TMEM26: variants seen among roughly 807,000 people sequenced by gnomAD.
TMEM26 encodes transmembrane protein 26.
TMEM26 carries 38 observed loss-of-function variants against 28.8 expected under a neutral mutation model. The observed-to-expected ratio is 1.32, with a 90% CI of 1.02 to 1.73. The LOEUF (loss-of-function observed/expected upper bound fraction) is 1.73, where lower values mean the gene tolerates loss of function less well. Among genes scored for constraint, TMEM26 ranks in the 40% most tolerant of loss-of-function variants. The pLI is 0.00. For missense variants in TMEM26, 518 were observed against 447.1 expected (o/e 1.16, Z -1.43); for synonymous variants, 227 against 182.9 (o/e 1.24, Z -1.95).
In TMEM26 at chr10:61,453,119, G is replaced by A. The variant is rs1415917593; in HGVS notation, c.-38C>T. ...ACTCTGCCTACGTCCCCTTGCCTGC[G>A]CCCCCAGGACCCTGCCGGGCGTGCC... is the stretch of plus-strand genomic sequence containing the variant. On this transcript the variant is annotated 5_prime_UTR_variant, in exon 1 of 6. Coordinates refer to ENST00000399298, the MANE Select transcript of TMEM26 (RefSeq NM_178505.8). The A allele has an allele frequency of 1.3e-6, 2 of 1,595,936 alleles. No individual in the cohort carries two copies. The highest frequency in any genetic ancestry group is 8.5e-7 in the Non-Finnish European group (1 of 1,170,338).
At chr10:61,432,518 G>T (rs541988469) in intron 2 of TMEM26, among the ~76,000 whole-genome samples, 5 of 151,872 alleles carry the variant, frequency 3.3e-5, no homozygotes, top group Non-Finnish European at 5.9e-5. Context: ...TTACAAACTG[G>T]TTTAAAAAAA....
intron 4 of TMEM26, among the ~76,000 whole-genome samples, chr10:61,419,120 T>C (rs934907475): frequency 1.3e-5 from 2 of 152,220 alleles, no homozygotes; most frequent in Middle Eastern, 3.4e-3. Context: ...CAAGGAGAGA[T>C]ACATTCCTCC....
chr10:61,446,349 G>T (rs1446729786), intron 1 of TMEM26, among the ~76,000 whole-genome samples: 1 of 152,064 alleles, frequency 6.6e-6, no homozygotes, highest in African/African-American at 2.4e-5. Flanking sequence ...CAAGACTCAG[G>T]ATATAAAACA....
chr10:61,445,015 T>G (rs1282000387), intron 1 of TMEM26, among the ~76,000 whole-genome samples: 1 of 152,188 alleles, frequency 6.6e-6, no homozygotes, highest in Non-Finnish European at 1.5e-5. Flanking sequence ...AGTTGTGACC[T>G]TGGATAAATG....
At chr10:61,448,434 C>T (rs564584063) in intron 1 of TMEM26, among the ~76,000 whole-genome samples, 1 of 152,266 alleles carries the variant, frequency 6.6e-6, no homozygotes, top group African/African-American at 2.4e-5. Flanking sequence ...CGGGAGAAAA[C>T]AGAGAAACAA....
intron 4 of TMEM26, among the ~76,000 whole-genome samples, chr10:61,425,687 A>T (rs1199390475): frequency 2.6e-5 from 4 of 152,176 alleles, no homozygotes; most frequent in African/African-American, 9.6e-5. Flanking sequence ...CCATGAAAAG[A>T]TGCTCAGCAA....
At chr10:61,438,811 C>T (rs527681778) in intron 1 of TMEM26, among the ~76,000 whole-genome samples, 1 of 152,306 alleles carries the variant, frequency 6.6e-6, no homozygotes, top group African/African-American at 2.4e-5. Flanking sequence ...TTACCACATC[C>T]TGTCAAGCTG....
rs1839514296 is a variant in TMEM26 at position 61,407,763 on chromosome 10, A to G, written c.*2559T>C. 2 of 152,160 alleles carry G rather than the reference A, an allele frequency of 1.3e-5. No individual in the cohort carries two copies. The highest frequency in any genetic ancestry group is 4.1e-4 in the South Asian group (2 of 4,826). The allele number at this position is 152,160 out of a possible 1,614,324, so 9.4% of individuals were successfully genotyped here. A position where few individuals can be genotyped will look rare whatever the true frequency, so the allele number is the denominator to read the frequency against. ...AAGCCACTTTCTTCAGGGGTTGGGG[A>G]GTGACCTACTGTGTGTTGGGGGGAG... On this transcript the variant is annotated 3_prime_UTR_variant, in exon 6 of 6. Coordinates refer to ENST00000399298, the MANE Select transcript of TMEM26 (RefSeq NM_178505.8).
At chr10:61,439,915 CTT>C (rs1012170789) in intron 1 of TMEM26, among the ~76,000 whole-genome samples, 2 of 152,080 alleles carry the variant, frequency 1.3e-5, no homozygotes, top group African/African-American at 2.4e-5. Flanking sequence ...TTTATAATGA[CTT>C]ATATTTTTAA....
intron 2 of TMEM26, among the ~76,000 whole-genome samples, chr10:61,435,343 G>T (rs533465593): frequency 2.0e-5 from 3 of 152,140 alleles, no homozygotes; most frequent in Non-Finnish European, 4.4e-5. Context: ...ACCACGCCCA[G>T]ATAATTCTTG....
chr10:61,430,751 T>A (rs1362444660), intron 3 of TMEM26, among the ~76,000 whole-genome samples: 1 of 152,044 alleles, frequency 6.6e-6, no homozygotes, highest in Non-Finnish European at 1.5e-5. Flanking sequence ...GGTTTATCAG[T>A]GTTAACAAAC....
chr10:61,415,145 T>C (rs1360368971), intron 4 of TMEM26: 42 of 985,258 alleles, frequency 4.3e-5, no homozygotes, highest in Non-Finnish European at 5.1e-5. Context: ...CCAAAAGAAG[T>C]AACTGGATGA....
chr10:61,451,449 A>G (rs1355923270), intron 1 of TMEM26, among the ~76,000 whole-genome samples: 1 of 152,172 alleles, frequency 6.6e-6, no homozygotes, highest in African/African-American at 2.4e-5. Context: ...TCTGTGACCA[A>G]AGATATTTCC....
intron 2 of TMEM26, among the ~76,000 whole-genome samples, chr10:61,434,610 CA>C (rs1839973057): frequency 6.6e-6 from 1 of 152,064 alleles, no homozygotes; most frequent in Admixed American, 6.6e-5. Flanking sequence ...TAACTTGAAC[CA>C]AAAATATACA....
rs562005289 is a variant in TMEM26 at position 61,436,331 on chromosome 10, A to C, written c.192-83T>G. ...AAAAATTAAGAGGAAGAATGAAAAA[A>C]AAATGCACATACTCCGACCACATTG... is the stretch of plus-strand genomic sequence containing the variant. On this transcript the variant is annotated intron_variant, in intron 1 of 5. Transcript: ENST00000399298. The C allele has an allele frequency of 5.2e-5, 42 of 810,278 alleles. 1 individual carries two copies. The highest frequency in any genetic ancestry group is 7.8e-5 in the Non-Finnish European group (40 of 511,244). The allele number at this position is 810,278 out of a possible 1,614,324, so 50.2% of individuals were successfully genotyped here.
intron 1 of TMEM26, among the ~76,000 whole-genome samples, chr10:61,444,660 A>AAG (rs1361906667): frequency 6.6e-6 from 1 of 151,802 alleles, no homozygotes; most frequent in Admixed American, 6.6e-5. Flanking sequence ...ATTTAAAAAA[A>AAG]AAAAAAAAAA....
chr10:61,435,299 G>A (rs956579756), intron 2 of TMEM26, among the ~76,000 whole-genome samples: 26 of 152,102 alleles, frequency 1.7e-4, no homozygotes, highest in African/African-American at 6.3e-4. Flanking sequence ...TCCTGCCTTG[G>A]CCTCCACAGT....
intron 4 of TMEM26, chr10:61,414,616 T>C (rs1329006850): frequency 6.6e-6 from 1 of 152,040 alleles, no homozygotes; most frequent in Admixed American, 6.6e-5. Context: ...AGTCTCAACT[T>C]TCAAAATGAA....
chr10:61,418,458 A>T (rs1234843172), intron 4 of TMEM26, among the ~76,000 whole-genome samples: 2 of 152,182 alleles, frequency 1.3e-5, no homozygotes, highest in Admixed American at 6.6e-5. Context: ...GCAGAAACAG[A>T]ATTTATGATA....
Sources: allele counts gnomAD v4.1 joint callset (sites outside exome capture counted in the v4.1 genomes callset), GRCh38; gene constraint gnomAD v4.1.1; transcripts MANE v1.5; gene names NCBI Gene and HGNC (gene_info 2026-07-23, HGNC 2026-07-21).